Variants in TBX19 observed in about 807,000 individuals in gnomAD.
TBX19 encodes the protein T-box transcription factor TBX19.
TBX19 carries 33 observed loss-of-function variants against 40.9 expected under a neutral mutation model. The ratio of observed to expected loss-of-function variants is 0.81; its 90% CI spans 0.61 to 1.08. The LOEUF is 1.08. Ranked by LOEUF, TBX19 falls within the 50% of genes least tolerant of loss-of-function variation. The probability of loss-of-function intolerance (pLI) is 0.00; values close to 1 mark genes in which losing one functional copy is unlikely to be tolerated. For synonymous variants in TBX19, 220 were observed against 225.0 expected (o/e 0.98, Z 0.20); for missense variants, 494 against 574.0 (o/e 0.86, Z 1.42).
intron 2 of TBX19, among the ~76,000 whole-genome samples, chr1:168,292,217 CAT>C (rs1253194570): frequency 2.0e-5 from 3 of 152,158 alleles, no homozygotes; most frequent in African/African-American, 7.2e-5. Flanking sequence ...CATAGGAGTT[CAT>C]GTGTCCAGAG....
chr1:168,293,050 T>G, intron 2 of TBX19, 94 bp from the exon 3 acceptor site: 97 of 1,592,922 alleles, frequency 6.1e-5, no homozygotes, highest in Non-Finnish European at 7.5e-5. Flanking sequence ...GGGGTGGTGC[T>G]AAGCTTGGGA....
At chr1:168,285,191 A>G (rs2102350576) in intron 1 of TBX19, among the ~76,000 whole-genome samples, 1 of 151,384 alleles carries the variant, frequency 6.6e-6, no homozygotes, top group East Asian at 1.9e-4. Context: ...TTTATCTTTA[A>G]TTGACACCTG....
At chr1:168,291,939 A>G in intron 2 of TBX19, among the ~76,000 whole-genome samples, 1 of 152,190 alleles carries the variant, frequency 6.6e-6, no homozygotes, top group Non-Finnish European at 1.5e-5. Context: ...TAAACAAGGA[A>G]GGTTTTATTT....
At chr1:168,282,828 G>T (rs553519223) in intron 1 of TBX19, among the ~76,000 whole-genome samples, 11 of 152,072 alleles carry the variant, frequency 7.2e-5, no homozygotes, top group African/African-American at 2.4e-4. Flanking sequence ...GCTATTGATT[G>T]GGCTGTCAAA....
rs550552066 is a variant in TBX19 at position 168,314,109 on chromosome 1, T to TC, written c.*1109dup. 397 of 152,960 alleles carry TC rather than the reference T, an allele frequency of 2.6e-3. 2 individuals carry two copies. The highest frequency in any genetic ancestry group is 5.2e-3 in the South Asian group (25 of 4,828). 9.5% of individuals were successfully genotyped at this position (152,960 alleles called of 1,614,324 possible). On this transcript the variant is annotated 3_prime_UTR_variant, in exon 8 of 8. Transcript: ENST00000367821. Reference sequence around the variant, plus strand: ...TCTATACCTTGCCTGTGCCTTAGTGTCCTCTTTTTTCCAGTTCACCTGTGC... The same window carrying TC: ...TCTATACCTTGCCTGTGCCTTAGTGTCCCTCTTTTTTCCAGTTCACCTGTGC...
chr1:168,295,935 C>T (rs1649093802), intron 3 of TBX19, among the ~76,000 whole-genome samples: 2 of 152,174 alleles, frequency 1.3e-5, no homozygotes, highest in Admixed American at 1.3e-4. Context: ...CTGGACAGTT[C>T]TCTTTGAACC....
In TBX19 at chr1:168,313,942, AAG is replaced by A. The variant is rs1649583053; in HGVS notation, c.*942_*943del. ...AAAAAAAGAAAGAAAGAAAGAAAGA[AAG>A]AAATCCTACTACGAGCGATCACACC... On this transcript the variant is annotated 3_prime_UTR_variant, in exon 8 of 8. Transcript: ENST00000367821. 6.6e-6 allele frequency: 1 copy of A among 152,126 alleles called. No individual in the cohort carries two copies. The highest frequency in any genetic ancestry group is 6.5e-5 in the Admixed American group (1 of 15,272). 9.4% of individuals were successfully genotyped at this position (152,126 alleles called of 1,614,324 possible).
At chr1:168,291,530 C>T (rs1648944380) in intron 2 of TBX19, 106 bp downstream of exon 2, 1 of 1,501,892 alleles carries the variant, frequency 6.7e-7, no homozygotes, top group Admixed American at 1.7e-5. Context: ...CCTCACCAGC[C>T]TCTTCTCCCA....
At chr1:168,312,580 A>T in intron 7 of TBX19, 128 bp from the exon 8 acceptor site, 6 of 1,092,638 alleles carry the variant, frequency 5.5e-6, no homozygotes, top group Non-Finnish European at 4.1e-6. Context: ...ATAGCTAGAA[A>T]TAAAGCCATG....
At chr1:168,307,482 G>A (rs1649431795) in intron 6 of TBX19, among the ~76,000 whole-genome samples, 1 of 152,042 alleles carries the variant, frequency 6.6e-6, no homozygotes, top group Non-Finnish European at 1.5e-5. Context: ...TGAGGGTAGA[G>A]CCCCCATGGC....
rs1471766317 is a variant in TBX19, at chr1:168,312,950, G to T, written c.1295G>T (p.Trp432Leu). The change falls in exon 8 of 8, where the codon TGG (tryptophan) becomes TTG (leucine). Residue 432 changes from tryptophan (W) to leucine (L), a missense_variant. Coordinates refer to ENST00000367821, the MANE Select transcript of TBX19 (RefSeq NM_005149.3). ...GTGGCCTCGCATCCCTTCGCGGGCT[G>T]GGGTGGCCCAGGAGCGGGTGGGCAC... ...TAVASHPFAG[W>L]GGPGAGGHHS... 6.2e-7 allele frequency: 1 copy of T among 1,614,122 alleles called. No individual in the cohort carries two copies. The highest frequency in any genetic ancestry group is 1.3e-5 in the African/African-American group (1 of 74,938).
chr1:168,292,805 A>G (rs1002592201), intron 2 of TBX19, among the ~76,000 whole-genome samples: 2 of 143,084 alleles, frequency 1.4e-5, no homozygotes, highest in Non-Finnish European at 3.0e-5. Flanking sequence ...CGGAGCTTGC[A>G]GTGAGCTGAG....
chr1:168,302,080 C>T (rs1649286909), intron 5 of TBX19, among the ~76,000 whole-genome samples: 1 of 152,190 alleles, frequency 6.6e-6, no homozygotes, highest in African/African-American at 2.4e-5. Context: ...GGGCCATGTG[C>T]AGAACCATAG....
intron 5 of TBX19, among the ~76,000 whole-genome samples, chr1:168,301,108 A>T (rs1273490706): frequency 1.3e-5 from 2 of 152,330 alleles, no homozygotes; most frequent in East Asian, 1.9e-4. Context: ...CTGATGTCTG[A>T]AACCCTCTTT....
chr1:168,308,724 T>A lies in TBX19; in HGVS notation c.917-18T>A. On this transcript the variant is annotated intron_variant, in intron 6 of 7. Coordinates refer to ENST00000367821, the MANE Select transcript of TBX19 (RefSeq NM_005149.3). ...CTTCTACATTTGCTATCAATTCAACTGTTGTTATTTCCCCAAGTGAATTTG... is the reference window on the plus strand; with the variant it reads ...CTTCTACATTTGCTATCAATTCAACAGTTGTTATTTCCCCAAGTGAATTTG... 6.2e-7 allele frequency: 1 copy of A among 1,614,136 alleles called. No individual in the cohort carries two copies. The highest frequency in any genetic ancestry group is 8.5e-7 in the Non-Finnish European group (1 of 1,180,014).
intron 5 of TBX19, among the ~76,000 whole-genome samples, chr1:168,302,882 A>G (rs567987727): frequency 2.3e-4 from 35 of 152,220 alleles, no homozygotes; most frequent in Admixed American, 3.9e-4. Context: ...GCGTAACCAC[A>G]TTAATCATTC....
At chr1:168,299,475 ATATTAT>A (rs776932140) in intron 4 of TBX19, among the ~76,000 whole-genome samples, 1 of 151,956 alleles carries the variant, frequency 6.6e-6, no homozygotes, top group African/African-American at 2.4e-5. Flanking sequence ...ATATTTGAAT[ATATTAT>A]TATTATTATT....
intron 6 of TBX19, among the ~76,000 whole-genome samples, 180 bp downstream of exon 6, chr1:168,305,376 TTAAC>T (rs1395578256): frequency 1.3e-5 from 2 of 148,684 alleles, no homozygotes; most frequent in Non-Finnish European, 3.0e-5. Context: ...AAATATTTGA[TTAAC>T]TAGGTATAAC....
At chr1:168,311,901 C>T (rs1413437788) in intron 7 of TBX19, among the ~76,000 whole-genome samples, 2 of 152,086 alleles carry the variant, frequency 1.3e-5, no homozygotes, top group Admixed American at 1.3e-4. Flanking sequence ...ATCTCTGGGG[C>T]AGGGGAGTGG....
Sources: gnomAD v4.1 joint callset for allele counts (sites outside exome capture counted in the v4.1 genomes callset) on GRCh38, gnomAD v4.1.1 for gene constraint, MANE v1.5 for transcripts, NCBI Gene and HGNC (gene_info 2026-07-23, HGNC 2026-07-21) for gene names.